Variants in SIRT1 observed in about 807,000 individuals in gnomAD.
SIRT1 encodes the protein sirtuin 1, also known as NAD-dependent protein deacetylase sirtuin-1.
A neutral mutation model predicts 67.9 loss-of-function variants in SIRT1; 24 were observed. The observed-to-expected ratio is 0.35, with a 90% CI of 0.26 to 0.50. The LOEUF (loss-of-function observed/expected upper bound fraction) is 0.50, where lower values mean the gene tolerates loss of function less well. SIRT1 is among the 20% of genes least tolerant of loss of function. SIRT1 has a pLI of 0.98. For synonymous variants in SIRT1, 378 were observed against 350.7 expected (o/e 1.08, Z -0.87); for missense variants, 873 against 937.2 (o/e 0.93, Z 0.89).
In SIRT1 at chr10:67,916,649, G is replaced by A. The variant is rs199743893; in HGVS notation, c.*56G>A. On this transcript the variant is annotated 3_prime_UTR_variant, in exon 9 of 9. Transcript: ENST00000212015. ...CCACCAGCATTAGGAACTTTAGCAT[G>A]TCAAAATGAATGTTTACTTGTGAAC... 2.0e-5 allele frequency: 29 copies of A among 1,427,570 alleles called. No homozygotes were observed. The highest frequency in any genetic ancestry group is 2.6e-5 in the Non-Finnish European group (27 of 1,048,548). 88.4% of individuals were successfully genotyped at this position (1,427,570 alleles called of 1,614,324 possible).
chr10:67,889,769 G>C (rs184998328), intron 3 of SIRT1, among the ~76,000 whole-genome samples: 2 of 152,252 alleles, frequency 1.3e-5, no homozygotes, highest in East Asian at 3.9e-4. Flanking sequence ...AATCTTAGAT[G>C]ATCATCAGGA....
In SIRT1 at chr10:67,914,989, G is replaced by A. The variant is rs138432236; in HGVS notation, c.1916-1276G>A. Among the ~76,000 whole-genome samples, 862 of 151,638 alleles carry A rather than the reference G, an allele frequency of 5.7e-3. 11 individuals carry two copies. Among genetic ancestry groups the A allele is most frequent in the African/African-American group, 0.02 (816 of 41,292 alleles). On this transcript the variant is annotated intron_variant, in intron 8 of 8. Coordinates refer to ENST00000212015, the MANE Select transcript of SIRT1 (RefSeq NM_012238.5). ...AGTCTGCCAGCCTTGGCCTCCCAAA[G>A]TGCTGGGATTACAGGTGTAAGCCAC...
chr10:67,909,615 G>T (rs1454108931), intron 7 of SIRT1, among the ~76,000 whole-genome samples, 173 bp downstream of exon 7: 1 of 152,068 alleles, frequency 6.6e-6, no homozygotes, highest in South Asian at 2.1e-4. Context: ...CCCTCTTGTT[G>T]CCCAGGCTGG....
intron 4 of SIRT1, among the ~76,000 whole-genome samples, chr10:67,902,329 A>G (rs1382225401): frequency 2.0e-5 from 3 of 152,150 alleles, no homozygotes; most frequent in Non-Finnish European, 1.5e-5. Context: ...GATCTCCTGA[A>G]CTTATTCTTC....
rs181582587 is a variant in SIRT1 at position 67,911,218 on chromosome 10, G to A, written c.1358-1256G>A. Reference sequence around the variant, plus strand: ...GCTTTTCTTTTTATTTTTTAGAGACGGGTGTCTTGCTGTAGCTCAGGCTAG... The same window carrying A: ...GCTTTTCTTTTTATTTTTTAGAGACAGGTGTCTTGCTGTAGCTCAGGCTAG... On this transcript the variant is annotated intron_variant, in intron 7 of 8. Coordinates refer to ENST00000212015, the MANE Select transcript of SIRT1 (RefSeq NM_012238.5). 9.2e-5 allele frequency among the ~76,000 whole-genome samples: 14 copies of A among 152,214 alleles called. No homozygotes were observed. In the East Asian group the frequency reaches 1.7e-3, roughly 19 times the overall value.
In SIRT1 at chr10:67,889,031, A is replaced by G; in HGVS notation, c.697A>G (p.Lys233Glu). Residue 233 changes from lysine (K) to glutamate (E), a missense_variant, in exon 3 of 9, where the codon AAA becomes GAA. Coordinates refer to ENST00000212015, the MANE Select transcript of SIRT1 (RefSeq NM_012238.5). Reference sequence around the variant, plus strand: ...TATTAATATCCTTTCAGAACCACCAAAAAGGAAAAAAAGAAAAGATATTAA... The same window carrying G: ...TATTAATATCCTTTCAGAACCACCAGAAAGGAAAAAAAGAAAAGATATTAA... ...IVINILSEPP[K>E]RKKRKDINTI... 6.2e-7 allele frequency: 1 copy of G among 1,613,422 alleles called. No individual in the cohort carries two copies. Among genetic ancestry groups the G allele is most frequent in the Non-Finnish European group, 8.5e-7 (1 of 1,179,894 alleles).
chr10:67,887,347 T>A, intron 1 of SIRT1, 70 bp from the exon 2 acceptor site: 1 of 944,060 alleles, frequency 1.1e-6, no homozygotes, highest in South Asian at 1.4e-5. Context: ...AAATGATTGC[T>A]CTATAACCGT....
chr10:67,907,021 A>G, intron 5 of SIRT1, 84 bp downstream of exon 5: 2 of 1,175,958 alleles, frequency 1.7e-6, no homozygotes, highest in Admixed American at 3.6e-5. Context: ...GCCATCGAGA[A>G]GTGGAGATAA....
intron 3 of SIRT1, among the ~76,000 whole-genome samples, chr10:67,890,596 G>T (rs1407781056): frequency 2.6e-5 from 4 of 151,976 alleles, no homozygotes; most frequent in Admixed American, 2.6e-4. Flanking sequence ...AGCCTGGTGT[G>T]CTGGTGCGTA....
intron 4 of SIRT1, among the ~76,000 whole-genome samples, chr10:67,895,834 C>T (rs1325121368): frequency 7.0e-6 from 1 of 143,764 alleles, no homozygotes; most frequent in Non-Finnish European, 1.5e-5. Flanking sequence ...CTTCACCTCC[C>T]GAGTTCAAGC....
At chr10:67,885,193 C>T (rs981288336) in intron 1 of SIRT1, 42 bp downstream of exon 1, 13 of 1,303,890 alleles carry the variant, frequency 1.0e-5, no homozygotes, top group African/African-American at 3.1e-5. Flanking sequence ...ATCTCCTCCT[C>T]CCTCTCCCCG....
At chr10:67,887,203 A>G (rs1179019622) in intron 1 of SIRT1, among the ~76,000 whole-genome samples, 2 of 152,120 alleles carry the variant, frequency 1.3e-5, no homozygotes, top group Non-Finnish European at 2.9e-5. Flanking sequence ...GACTTAATTT[A>G]TTTTTAGATT....
rs201471665 is a variant in SIRT1, at chr10:67,916,814, G to A, written c.*221G>A. 6.7e-5 allele frequency: 20 copies of A among 297,362 alleles called. No individual in the cohort carries two copies. The highest frequency in any genetic ancestry group is 2.0e-3 in the Middle Eastern group (2 of 1,004). The allele number at this position is 297,362 out of a possible 1,614,324, so 18.4% of individuals were successfully genotyped here. A position where few individuals can be genotyped will look rare whatever the true frequency, so the allele number is the denominator to read the frequency against. ...ACTTTTTTTTTTTTAAAAAAAAAAA[G>A]GTACTAAGTATCTTCAATCAGCTGT... On this transcript the variant is annotated 3_prime_UTR_variant, in exon 9 of 9. Coordinates refer to ENST00000212015, the MANE Select transcript of SIRT1 (RefSeq NM_012238.5).
intron 4 of SIRT1, among the ~76,000 whole-genome samples, chr10:67,896,622 C>T (rs749275747): frequency 6.6e-6 from 1 of 152,006 alleles, no homozygotes; most frequent in Non-Finnish European, 1.5e-5. Flanking sequence ...TGGTGAAACC[C>T]TGTCTCTACT....
Position 67,904,113 on chromosome 10 carries a change from AG to A in SIRT1, c.943-2676del, listed in dbSNP as rs1359342345. 3.8e-5 allele frequency among the ~76,000 whole-genome samples: 5 copies of A among 132,282 alleles called. No individual in the cohort carries two copies. In the East Asian group the frequency reaches 1.2e-3, roughly 31 times the overall value. The allele number at this position is 132,282 out of a possible 152,430, so 86.8% of individuals were successfully genotyped here. The stretch of plus-strand genomic sequence containing the variant: ...TTTTTTTCATTATTTCAGATTTTTT[AG>A]TTTTTTTTGTTTGTTTTTTTTTTTT... On this transcript the variant is annotated intron_variant, in intron 4 of 8. Transcript: ENST00000212015.
At chr10:67,902,284 C>T (rs34832157) in intron 4 of SIRT1, among the ~76,000 whole-genome samples, 1 of 152,268 alleles carries the variant, frequency 6.6e-6, no homozygotes, top group East Asian at 1.9e-4. Context: ...CCACCGCGCC[C>T]GGCTACAATA....
chr10:67,884,754 C>T lies in SIRT1; in HGVS notation c.33C>T (p.Pro11=). 2 of 1,228,148 alleles carry T rather than the reference C, an allele frequency of 1.6e-6. No individual in the cohort carries two copies. The highest frequency in any genetic ancestry group is 1.0e-6 in the Non-Finnish European group (1 of 985,618). The allele number at this position is 1,228,148 out of a possible 1,614,324, so 76.1% of individuals were successfully genotyped here. Residue 11 remains proline, a synonymous_variant, in exon 1 of 9, where the codon CCC becomes CCT. Coordinates refer to ENST00000212015, the MANE Select transcript of SIRT1 (RefSeq NM_012238.5). ...ACGAGGCGGCCCTCGCCCTTCAGCCCGGCGGCTCCCCCTCGGCGGCGGGGG... is the reference window on the plus strand; with the variant it reads ...ACGAGGCGGCCCTCGCCCTTCAGCCTGGCGGCTCCCCCTCGGCGGCGGGGG... MADEAALALQ[P]GGSPSAAGAD...
rs376841751 is a variant in SIRT1, at chr10:67,904,799, G to A, written c.943-1991G>A. Among the ~76,000 whole-genome samples, 5 of 151,296 alleles carry A rather than the reference G, an allele frequency of 3.3e-5. No homozygotes were observed. In the East Asian group the frequency reaches 5.9e-4, roughly 18 times the overall value. On this transcript the variant is annotated intron_variant, in intron 4 of 8. Coordinates refer to ENST00000212015, the MANE Select transcript of SIRT1 (RefSeq NM_012238.5). ...GTGGAGGTTGTGGTGAGCTGAGATC[G>A]CGCCATTGCACTCCAGCCTGGGCAA...
At position 67,917,866 on chromosome 10, in the gene SIRT1, T is replaced by C. The variant is rs2029971643; in HGVS notation, c.*1273T>C. The C allele has an allele frequency of 6.6e-6, 1 of 152,638 alleles. No homozygotes were observed. The highest frequency in any genetic ancestry group is 1.5e-5 in the Non-Finnish European group (1 of 68,050). 9.5% of individuals were successfully genotyped at this position (152,638 alleles called of 1,614,324 possible). A position where few individuals can be genotyped will look rare whatever the true frequency, so the allele number is the denominator to read the frequency against. Reference sequence around the variant, plus strand: ...AGCTTCTAGTCTTTCAAGAAGTTCATACTTTATGAAATTGCACAGTAAGCA... The same window carrying C: ...AGCTTCTAGTCTTTCAAGAAGTTCACACTTTATGAAATTGCACAGTAAGCA... On this transcript the variant is annotated 3_prime_UTR_variant, in exon 9 of 9. Transcript: ENST00000212015.
Sources: gnomAD v4.1 joint callset for allele counts (sites outside exome capture counted in the v4.1 genomes callset) on GRCh38, gnomAD v4.1.1 for gene constraint, MANE v1.5 for transcripts, NCBI Gene and HGNC (gene_info 2026-07-23, HGNC 2026-07-21) for gene names.